SEC24B: variants seen among roughly 807,000 people sequenced by gnomAD.
The protein encoded by SEC24B is SEC24 homolog B, COPII component.
Under a neutral mutation model 142.8 loss-of-function variants are expected in SEC24B, and 45 were observed. That is an observed-to-expected ratio of 0.32 (90% CI 0.25 to 0.40). The LOEUF is 0.40. SEC24B is among the 10% of genes least tolerant of loss of function. The pLI, the probability that SEC24B is intolerant of heterozygous loss-of-function variation, is 1.00. For missense variants in SEC24B, 1,409 were observed against 1,526.8 expected (o/e 0.92, Z 1.29); for synonymous variants, 574 against 568.2 (o/e 1.01, Z -0.15).
chr4:109,511,136 G>GTA (rs1242387736), intron 8 of SEC24B, among the ~76,000 whole-genome samples: 1 of 151,326 alleles, frequency 6.6e-6, no homozygotes, highest in African/African-American at 2.4e-5. Flanking sequence ...CTATATATAT[G>GTA]TATATATATG....
At chr4:109,527,231 AAG>A in intron 17 of SEC24B, 89 bp from the exon 18 acceptor site, 9 of 923,382 alleles carry the variant, frequency 9.7e-6, no homozygotes, top group Non-Finnish European at 1.3e-5. Flanking sequence ...AAAAAAAAAA[AAG>A]AAAGAAAGAA....
At chr4:109,535,136 A>G (rs542553666) in intron 22 of SEC24B, among the ~76,000 whole-genome samples, 2 of 152,330 alleles carry the variant, frequency 1.3e-5, no homozygotes, top group South Asian at 4.1e-4. Context: ...TTGTGTGAAC[A>G]TATGTTTTCA....
At chr4:109,501,832 CTG>C (rs1736185734) in intron 6 of SEC24B, among the ~76,000 whole-genome samples, 1 of 152,336 alleles carries the variant, frequency 6.6e-6, no homozygotes, top group East Asian at 1.9e-4. Flanking sequence ...TATTCCTACT[CTG>C]TGGCAGTACT....
intron 2 of SEC24B, among the ~76,000 whole-genome samples, chr4:109,470,673 T>G (rs1156322838): frequency 6.6e-5 from 10 of 152,194 alleles, no homozygotes. Flanking sequence ...TTGCACTGTT[T>G]GTGAAAACAA....
At chr4:109,495,498 C>T (rs1475749657) in intron 6 of SEC24B, among the ~76,000 whole-genome samples, 1 of 152,158 alleles carries the variant, frequency 6.6e-6, no homozygotes, top group Non-Finnish European at 1.5e-5. Flanking sequence ...ACAGCTTTCT[C>T]CATAGAGAAG....
chr4:109,447,153 G>T (rs1220253373), intron 1 of SEC24B, among the ~76,000 whole-genome samples: 1 of 152,104 alleles, frequency 6.6e-6, no homozygotes, highest in Non-Finnish European at 1.5e-5. Flanking sequence ...ATTTTGGAAG[G>T]TTCCATATAC....
chr4:109,454,337 A>G (rs1010631950), intron 1 of SEC24B, among the ~76,000 whole-genome samples: 6 of 151,838 alleles, frequency 4.0e-5, no homozygotes, highest in African/African-American at 1.5e-4. Flanking sequence ...CCAGGAGTTC[A>G]AGACCAGCCT....
intron 22 of SEC24B, among the ~76,000 whole-genome samples, chr4:109,536,820 C>T (rs1300133705): frequency 6.6e-6 from 1 of 151,790 alleles, no homozygotes; most frequent in Non-Finnish European, 1.5e-5. Flanking sequence ...TGAGCCACTG[C>T]GCCTGGCCAA....
At chr4:109,527,778 C>G (rs1724416851) in intron 18 of SEC24B, among the ~76,000 whole-genome samples, 1 of 148,060 alleles carries the variant, frequency 6.8e-6, no homozygotes, top group African/African-American at 2.5e-5. Flanking sequence ...GAGACTCTGT[C>G]TCAAAAAAAA....
intron 5 of SEC24B, among the ~76,000 whole-genome samples, chr4:109,492,040 G>T (rs1366597896): frequency 2.0e-5 from 3 of 151,660 alleles, no homozygotes; most frequent in Middle Eastern, 3.4e-3. Context: ...TTTTCCTAAT[G>T]ATTCCAAGCT....
chr4:109,483,442 G>T (rs1435178734), intron 4 of SEC24B, among the ~76,000 whole-genome samples: 1 of 152,040 alleles, frequency 6.6e-6, no homozygotes, highest in Non-Finnish European at 1.5e-5. Flanking sequence ...TGTCATATGA[G>T]GTCAGGTGTG....
chr4:109,528,762 A>G (rs1724555756), intron 18 of SEC24B, among the ~76,000 whole-genome samples: 1 of 152,238 alleles, frequency 6.6e-6, no homozygotes. Flanking sequence ...ACATGAAACA[A>G]GCCTTGCTAT....
chr4:109,528,730 T>C (rs1183805470), intron 18 of SEC24B, among the ~76,000 whole-genome samples: 1 of 150,926 alleles, frequency 6.6e-6, no homozygotes, highest in Non-Finnish European at 1.5e-5. Flanking sequence ...TTTCAATGAA[T>C]TTGCCTTGTA....
intron 1 of SEC24B, among the ~76,000 whole-genome samples, chr4:109,454,000 G>A (rs918262363): frequency 6.6e-6 from 1 of 152,114 alleles, no homozygotes; most frequent in African/African-American, 2.4e-5. Context: ...TGGGATTACA[G>A]GCATGCGCCA....
At chr4:109,452,662 A>T (rs971149664) in intron 1 of SEC24B, among the ~76,000 whole-genome samples, 1 of 152,172 alleles carries the variant, frequency 6.6e-6, no homozygotes, top group Non-Finnish European at 1.5e-5. Flanking sequence ...GCATCTTCTC[A>T]TGTATATTTT....
intron 3 of SEC24B, among the ~76,000 whole-genome samples, chr4:109,476,050 G>A (rs1014357008): frequency 1.3e-5 from 2 of 148,890 alleles, no homozygotes; most frequent in African/African-American, 2.5e-5. Flanking sequence ...GCAGTGGCAT[G>A]ATCTTGGGTC....
At chr4:109,480,700 C>T (rs189395576) in intron 3 of SEC24B, among the ~76,000 whole-genome samples, 146 of 152,084 alleles carry the variant, frequency 9.6e-4, no homozygotes, top group African/African-American at 3.0e-3. Flanking sequence ...AGGATGGTCT[C>T]GATCTCTTAA....
At chr4:109,447,553 A>G (rs990806365) in intron 1 of SEC24B, among the ~76,000 whole-genome samples, 1 of 152,122 alleles carries the variant, frequency 6.6e-6, no homozygotes, top group African/African-American at 2.4e-5. Flanking sequence ...TCAGCATTCT[A>G]TTTGACTTCA....
At position 109,463,587 on chromosome 4, in the gene SEC24B, C is replaced by T. The variant is rs147406604; in HGVS notation, c.820C>T (p.Leu274Phe). 17 of 1,614,206 alleles carry T rather than the reference C, an allele frequency of 1.1e-5. 2 individuals are homozygous for T. The highest frequency in any genetic ancestry group is 3.3e-4 in the Middle Eastern group (2 of 6,062). ...SPGLPSTQDN[L>F]IRNHTGSLAV... ...AGGCCTTCCATCGACTCAAGACAAT[C>T]TCATCCGAAACCACACAGGATCCCT... The change falls in exon 2 of 24, where the codon CTC (leucine) becomes TTC (phenylalanine). Residue 274 changes from leucine (L) to phenylalanine (F), a missense_variant. Leu to Phe is a conservative substitution (Grantham distance 22, BLOSUM62 0). Transcript: ENST00000265175.
Sources: gnomAD v4.1 joint callset for allele counts (sites outside exome capture counted in the v4.1 genomes callset) on GRCh38, gnomAD v4.1.1 for gene constraint, MANE v1.5 for transcripts, NCBI Gene and HGNC (gene_info 2026-07-23, HGNC 2026-07-21) for gene names.